IL1RAPL1: variants seen among roughly 807,000 people sequenced by gnomAD.
IL1RAPL1 encodes interleukin-1 receptor accessory protein-like 1.
IL1RAPL1 carries 3 observed loss-of-function variants against 48.4 expected under a neutral mutation model. The observed-to-expected ratio is 0.06, with a 90% CI of 0.03 to 0.16. The LOEUF (loss-of-function observed/expected upper bound fraction) is 0.16. Ranked by LOEUF, IL1RAPL1 falls within the 10% of genes least tolerant of loss-of-function variation. The probability of loss-of-function intolerance (pLI) is 1.00; values close to 1 mark genes in which losing one functional copy is unlikely to be tolerated. For missense variants in IL1RAPL1, 349 were observed against 530.6 expected, an observed-to-expected ratio of 0.66 and a Z score of 3.36; for synonymous variants, 185 against 187.7, an observed-to-expected ratio of 0.99 and a Z score of 0.12.
intron 1 of IL1RAPL1, among the ~76,000 whole-genome samples, chrX:28,754,005 TTTC>T (rs1334328057): frequency 9.0e-6 from 1 of 111,214 alleles, no homozygotes; most frequent in Non-Finnish European, 1.9e-5. Flanking sequence ...TCAAGTATTA[TTTC>T]TTATCAGCTA....
chrX:29,186,904 A>G (rs1930262551), intron 2 of IL1RAPL1, among the ~76,000 whole-genome samples: 1 of 111,234 alleles, frequency 9.0e-6, no homozygotes, highest in Admixed American at 9.7e-5. Context: ...TCTCACTTAT[A>G]AGTGGGAGCT....
intron 1 of IL1RAPL1, among the ~76,000 whole-genome samples, chrX:28,730,499 A>T (rs73205784): frequency 0.2 from 22,488 of 111,128 alleles, 1,994 homozygotes; most frequent in Admixed American, 0.36. Flanking sequence ...TATTTATTCA[A>T]TAAATGTATG....
intron 5 of IL1RAPL1, among the ~76,000 whole-genome samples, chrX:29,667,522 AT>A (rs1926030999): frequency 8.9e-6 from 1 of 112,165 alleles, no homozygotes; most frequent in African/African-American, 3.2e-5. Flanking sequence ...CAGAGTAGAA[AT>A]TTCGGTGACA....
At chrX:29,394,844 G>A (rs986826876) in intron 3 of IL1RAPL1, among the ~76,000 whole-genome samples, 5 of 111,736 alleles carry the variant, frequency 4.5e-5, no homozygotes, top group African/African-American at 1.6e-4. Flanking sequence ...ATTATAGGAA[G>A]CTAGAGATGT....
chrX:29,144,730 C>CTT (rs752844858), intron 2 of IL1RAPL1, among the ~76,000 whole-genome samples: 4 of 94,146 alleles, frequency 4.2e-5, no homozygotes, highest in Admixed American at 1.2e-4. Context: ...TGTTGATCTT[C>CTT]TTTTTTTTTT....
At chrX:29,675,666 C>G (rs1926264395) in intron 6 of IL1RAPL1, among the ~76,000 whole-genome samples, 1 of 111,734 alleles carries the variant, frequency 8.9e-6, no homozygotes, top group Admixed American at 9.5e-5. Context: ...TCTCGGCTCA[C>G]TGCAGCCTCC....
chrX:29,443,189 G>A (rs1934568448), intron 5 of IL1RAPL1, among the ~76,000 whole-genome samples: 1 of 106,151 alleles, frequency 9.4e-6, no homozygotes, highest in Non-Finnish European at 1.9e-5. Context: ...GTGGAAGTGG[G>A]ACCAAGAAAT....
At chrX:29,923,658 G>A (rs1932863511) in intron 8 of IL1RAPL1, among the ~76,000 whole-genome samples, 1 of 112,245 alleles carries the variant, frequency 8.9e-6, no homozygotes, top group Admixed American at 9.4e-5. Context: ...TTCCACATCT[G>A]AGTCTTTGAA....
At chrX:29,663,370 T>C (rs779377532) in intron 5 of IL1RAPL1, among the ~76,000 whole-genome samples, 255 of 112,656 alleles carry the variant, frequency 2.3e-3, no homozygotes, top group African/African-American at 7.8e-3. Flanking sequence ...TGGATTTAAA[T>C]GAGGTCACCA....
chrX:29,340,685 C>T (rs1933061599), intron 3 of IL1RAPL1, among the ~76,000 whole-genome samples: 1 of 111,773 alleles, frequency 8.9e-6, no homozygotes, highest in African/African-American at 3.3e-5. Context: ...GTTCAGCCTG[C>T]AAGTACCCTG....
intron 1 of IL1RAPL1, among the ~76,000 whole-genome samples, chrX:28,690,472 C>G (rs1020158193): frequency 1.1e-4 from 12 of 111,403 alleles, no homozygotes; most frequent in Non-Finnish European, 1.9e-4. Context: ...TATCGTGTTC[C>G]CAGAGGACAC....
chrX:29,883,696 G>T (rs144580353), intron 6 of IL1RAPL1, among the ~76,000 whole-genome samples: 3,738 of 111,318 alleles, frequency 0.034, 154 homozygotes, highest in African/African-American at 0.12. Flanking sequence ...ATGGGAAAAA[G>T]ATTTTCCAGC....
At chrX:28,887,398 T>A (rs960659752) in intron 2 of IL1RAPL1, among the ~76,000 whole-genome samples, 4 of 112,177 alleles carry the variant, frequency 3.6e-5, no homozygotes. Context: ...AAGTTAAAAA[T>A]ATATAAATAC....
At chrX:29,810,059 T>C (rs1380985681) in intron 6 of IL1RAPL1, among the ~76,000 whole-genome samples, 1 of 111,914 alleles carries the variant, frequency 8.9e-6, no homozygotes, top group Non-Finnish European at 1.9e-5. Flanking sequence ...TTTATTGTTA[T>C]GCTCTTGAAG....
chrX:28,933,536 C>G (rs918174646), intron 2 of IL1RAPL1, among the ~76,000 whole-genome samples: 2 of 111,269 alleles, frequency 1.8e-5, no homozygotes, highest in African/African-American at 3.3e-5. Flanking sequence ...ACTTGCTTAG[C>G]AGTGGGGAAA....
chrX:29,620,472 A>G (rs1371750980), intron 5 of IL1RAPL1, among the ~76,000 whole-genome samples: 1 of 112,354 alleles, frequency 8.9e-6, no homozygotes, highest in African/African-American at 3.2e-5. Context: ...TAGAAAAGGT[A>G]CAGTCATATT....
chrX:28,930,020 G>A (rs1312593678), intron 2 of IL1RAPL1, among the ~76,000 whole-genome samples: 1 of 112,067 alleles, frequency 8.9e-6, no homozygotes, highest in African/African-American at 3.2e-5. Flanking sequence ...AATAACGAAG[G>A]TAAGAGTCAG....
intron 5 of IL1RAPL1, among the ~76,000 whole-genome samples, chrX:29,658,948 G>C (rs1244218767): frequency 8.9e-6 from 1 of 111,943 alleles, no homozygotes; most frequent in Non-Finnish European, 1.9e-5. Context: ...TTTTGTACAT[G>C]TTAATCAACT....
At chrX:29,099,189 A>G (rs1469787855) in intron 2 of IL1RAPL1, among the ~76,000 whole-genome samples, 1 of 111,794 alleles carries the variant, frequency 8.9e-6, no homozygotes, top group African/African-American at 3.3e-5. Context: ...TCTTTAACGT[A>G]TGATGGTATT....
Sources: gnomAD v4.1 joint callset for allele counts (sites outside exome capture counted in the v4.1 genomes callset) on GRCh38, gnomAD v4.1.1 for gene constraint, MANE v1.5 for transcripts, NCBI Gene and HGNC (gene_info 2026-07-23, HGNC 2026-07-21) for gene names.